SLC9C1: variants seen among roughly 807,000 people sequenced by gnomAD.
SLC9C1 encodes the protein solute carrier family 9 member C1, also known as sodium/hydrogen exchanger 10.
Under a neutral mutation model 140.9 loss-of-function variants are expected in SLC9C1, and 97 were observed. The observed-to-expected ratio is 0.69, with a 90% confidence interval of 0.58 to 0.82. The LOEUF (loss-of-function observed/expected upper bound fraction) is 0.82, where lower values mean the gene tolerates loss of function less well. Among genes scored for constraint, SLC9C1 ranks in the 40% least tolerant of loss-of-function variants. The pLI, the probability that SLC9C1 is intolerant of heterozygous loss-of-function variation, is 0.00. For synonymous variants in SLC9C1, 440 were observed against 442.6 expected (o/e 0.99, Z 0.07); for missense variants, 1,340 against 1,389.3 (o/e 0.96, Z 0.56).
chr3:112,234,378 C>A (rs980512818), intron 12 of SLC9C1, among the ~76,000 whole-genome samples: 3 of 152,034 alleles, frequency 2.0e-5, no homozygotes, highest in Admixed American at 6.5e-5. Flanking sequence ...TGGATATTAG[C>A]CCTTTGTCAG....
rs114968459 is a variant in SLC9C1, at chr3:112,265,607, C to A, written c.878+631G>T. 5.5e-3 allele frequency among the ~76,000 whole-genome samples: 833 copies of A among 152,126 alleles called. 4 individuals carry two copies. Among genetic ancestry groups the A allele is most frequent in the Non-Finnish European group, 8.4e-3 (568 of 67,956 alleles). On this transcript the variant is annotated intron_variant, in intron 8 of 28. Coordinates refer to ENST00000305815, the MANE Select transcript of SLC9C1 (RefSeq NM_183061.3). ...TATGTGGTTCAGGTCAAGTTTCCACCCTATGTATTGAAGCATTATGGAAAG... is the reference window on the plus strand; with the variant it reads ...TATGTGGTTCAGGTCAAGTTTCCACACTATGTATTGAAGCATTATGGAAAG...
intron 23 of SLC9C1, among the ~76,000 whole-genome samples, chr3:112,178,716 G>A (rs935434118): frequency 3.9e-5 from 6 of 152,118 alleles, no homozygotes; most frequent in African/African-American, 1.4e-4. Flanking sequence ...AATGTCCTTA[G>A]GTAGTATTTC....
At chr3:112,229,037 C>G (rs1055530517) in intron 13 of SLC9C1, among the ~76,000 whole-genome samples, 11 of 152,008 alleles carry the variant, frequency 7.2e-5, no homozygotes, top group African/African-American at 2.7e-4. Flanking sequence ...ATGGATAAGA[C>G]TAGAAGACAT....
At chr3:112,153,078 C>T (rs2075029812) in intron 27 of SLC9C1, among the ~76,000 whole-genome samples, 2 of 152,228 alleles carry the variant, frequency 1.3e-5, no homozygotes, top group South Asian at 4.2e-4. Flanking sequence ...GTTTAGGATC[C>T]TGGGAAGAGA....
At chr3:112,277,979 G>A in intron 4 of SLC9C1, 119 bp from the exon 5 acceptor site, 2 of 774,502 alleles carry the variant, frequency 2.6e-6, no homozygotes, top group South Asian at 2.6e-5. Flanking sequence ...CCCACCAGCA[G>A]ACACAGGAGT....
At chr3:112,222,266 T>C (rs2078561217) in intron 13 of SLC9C1, among the ~76,000 whole-genome samples, 1 of 152,162 alleles carries the variant, frequency 6.6e-6, no homozygotes, top group African/African-American at 2.4e-5. Context: ...CTAGAAGATG[T>C]TAACTGTTAA....
At chr3:112,172,843 G>T (rs1266866846) in intron 23 of SLC9C1, among the ~76,000 whole-genome samples, 1 of 151,798 alleles carries the variant, frequency 6.6e-6, no homozygotes, top group Non-Finnish European at 1.5e-5. Context: ...GAATCACAAT[G>T]GTTGATTTTC....
intron 13 of SLC9C1, among the ~76,000 whole-genome samples, chr3:112,227,427 T>C (rs1005628692): frequency 6.6e-6 from 1 of 152,162 alleles, no homozygotes; most frequent in African/African-American, 2.4e-5. Context: ...AATGCAAGGA[T>C]ATTTAAATAT....
chr3:112,274,764 T>A (rs2080168396), intron 6 of SLC9C1, 133 bp downstream of exon 6: 1 of 846,420 alleles, frequency 1.2e-6, no homozygotes, highest in South Asian at 2.8e-5. Flanking sequence ...TTGTAAAGAG[T>A]AAGTCACTAA....
chr3:112,217,829 C>T (rs1366395193), intron 14 of SLC9C1, among the ~76,000 whole-genome samples: 1 of 152,126 alleles, frequency 6.6e-6, no homozygotes, highest in East Asian at 1.9e-4. Flanking sequence ...AGAAAACATA[C>T]TATGTTTCAA....
intron 15 of SLC9C1, among the ~76,000 whole-genome samples, chr3:112,215,970 G>A (rs1253562752): frequency 5.3e-5 from 8 of 152,002 alleles, no homozygotes; most frequent in Admixed American, 2.0e-4. Flanking sequence ...ACAAGGCTGT[G>A]GTAACCAAAA....
intron 23 of SLC9C1, among the ~76,000 whole-genome samples, chr3:112,174,653 A>G (rs2077303955): frequency 6.6e-6 from 1 of 152,142 alleles, no homozygotes; most frequent in African/African-American, 2.4e-5. Context: ...GTTCACCTCC[A>G]TATGGTGGCT....
At chr3:112,216,637 CA>C (rs1412911149) in intron 15 of SLC9C1, among the ~76,000 whole-genome samples, 5 of 152,136 alleles carry the variant, frequency 3.3e-5, no homozygotes, top group African/African-American at 1.2e-4. Flanking sequence ...CAGAGAAATG[CA>C]AATCAAAATC....
At chr3:112,270,904 C>T (rs539421251) in intron 6 of SLC9C1, among the ~76,000 whole-genome samples, 1 of 152,104 alleles carries the variant, frequency 6.6e-6, no homozygotes, top group South Asian at 2.1e-4. Context: ...TTATTTATGT[C>T]CAATATATGG....
intron 14 of SLC9C1, among the ~76,000 whole-genome samples, chr3:112,219,484 A>C (rs2078480146): frequency 2.0e-5 from 3 of 152,242 alleles, no homozygotes; most frequent in Admixed American, 2.0e-4. Flanking sequence ...TATATTCCAA[A>C]GTTTGCCTTC....
chr3:112,168,050 T>G (rs1214991370), intron 25 of SLC9C1, among the ~76,000 whole-genome samples: 1 of 152,232 alleles, frequency 6.6e-6, no homozygotes, highest in Non-Finnish European at 1.5e-5. Flanking sequence ...TTTTTTCTTA[T>G]GTCCAAAATC....
At position 112,266,160 on chromosome 3, in the gene SLC9C1, T is replaced by C. The variant is rs561663615; in HGVS notation, c.878+78A>G. On this transcript the variant is annotated intron_variant, in intron 8 of 28. Transcript: ENST00000305815. ...CTTTGAAAATCTTACTTCGACCATG[T>C]AGATGTAGATATTGTTACTATTATA... The C allele has an allele frequency of 4.0e-5, 42 of 1,039,566 alleles. No individual in the cohort carries two copies. In the African/African-American group the frequency reaches 5.6e-4, roughly 14 times the overall value. 64.4% of individuals were successfully genotyped at this position (1,039,566 alleles called of 1,614,324 possible).
intron 5 of SLC9C1, among the ~76,000 whole-genome samples, 171 bp downstream of exon 5, chr3:112,277,524 T>A (rs1340415465): frequency 6.6e-6 from 1 of 152,066 alleles, no homozygotes; most frequent in African/African-American, 2.4e-5. Context: ...ATCACTGGCA[T>A]TTCTTCTGCC....
rs752591057 is a variant in SLC9C1 at position 112,270,062 on chromosome 3, C to T, written c.629G>A (p.Gly210Asp). Reference protein sequence around the residue: ...RNHTLAEEIVGGICSYIIASF... With the variant: ...RNHTLAEEIVDGICSYIIASF... ...TGCTATAATATATGAACAAATTCCACCCACGATCTCTTCAGCTACAAGAAA... is the reference window on the plus strand; with the variant it reads ...TGCTATAATATATGAACAAATTCCATCCACGATCTCTTCAGCTACAAGAAA... The change falls in exon 7 of 29, where the codon GGT becomes GAT. Residue 210 changes from glycine (G) to aspartate (D), a missense_variant. Transcript: ENST00000305815. 3.2e-6 allele frequency: 5 copies of T among 1,560,494 alleles called. No homozygotes were observed. The Admixed American group carries it at 7.9e-5, about 25-fold the overall frequency.
Sources: gnomAD v4.1 joint callset for allele counts (sites outside exome capture counted in the v4.1 genomes callset) on GRCh38, gnomAD v4.1.1 for gene constraint, MANE v1.5 for transcripts, NCBI Gene and HGNC (gene_info 2026-07-23, HGNC 2026-07-21) for gene names.